The following DIP2C variants were observed in gnomAD, a reference collection of about 807,000 sequenced individuals.
DIP2C encodes the protein DIP2 acetate--CoA ligase C (putative).
In DIP2C, 33 loss-of-function variants were observed where a neutral mutation model predicts 192.4. The observed-to-expected ratio is 0.17, with a 90% CI of 0.13 to 0.23. The LOEUF (loss-of-function observed/expected upper bound fraction) is 0.23, where lower values mean the gene tolerates loss of function less well. Among genes scored for constraint, DIP2C ranks in the 10% least tolerant of loss-of-function variants. The probability of loss-of-function intolerance (pLI) is 1.00; values close to 1 mark genes in which losing one functional copy is unlikely to be tolerated. For missense variants in DIP2C, 1,537 were observed against 2,110.1 expected, an observed-to-expected ratio of 0.73 and a Z score of 5.32; for synonymous variants, 979 against 864.1, an observed-to-expected ratio of 1.13 and a Z score of -2.33.
At chr10:627,564 C>T (rs748825884) in intron 1 of DIP2C, among the ~76,000 whole-genome samples, 1 of 152,220 alleles carries the variant, frequency 6.6e-6, no homozygotes, top group South Asian at 2.1e-4. Context: ...CCCAGAAGTG[C>T]AGTAATTAGT....
chr10:308,981 G>A (rs971686373), intron 32 of DIP2C, among the ~76,000 whole-genome samples: 1 of 152,198 alleles, frequency 6.6e-6, no homozygotes, highest in Admixed American at 6.5e-5. Context: ...ATGCCTCCAG[G>A]CATGTCAGAC....
intron 3 of DIP2C, among the ~76,000 whole-genome samples, chr10:468,913 A>G (rs1970421008): frequency 6.6e-6 from 1 of 152,226 alleles, no homozygotes; most frequent in East Asian, 1.9e-4. Context: ...TATCTTCTAC[A>G]CAGTAAGGCA....
chr10:347,355 C>G (rs1958532032), intron 26 of DIP2C, among the ~76,000 whole-genome samples: 1 of 94,958 alleles, frequency 1.1e-5, no homozygotes, highest in Non-Finnish European at 2.2e-5. Flanking sequence ...CACACACACC[C>G]AACCCAGACA....
intron 1 of DIP2C, among the ~76,000 whole-genome samples, chr10:670,227 T>C (rs1053233546): frequency 7.7e-5 from 11 of 142,588 alleles, no homozygotes; most frequent in East Asian, 2.0e-4. Context: ...CGCACACGCA[T>C]GCATGCACAC....
rs771622637 is a variant in DIP2C, at chr10:421,635, A to T, written c.604+1189T>A. Among the ~76,000 whole-genome samples the T allele has an allele frequency of 2.4e-4, 36 of 152,236 alleles. 2 individuals carry two copies. The highest frequency in any genetic ancestry group is 1.4e-3 in the South Asian group (7 of 4,834). On this transcript the variant is annotated intron_variant, in intron 5 of 36. Transcript: ENST00000280886. Reference sequence around the variant, plus strand: ...ATGTTCCTGAAACTGTGTTAAACTGAAGTTTAATACTGCTTTGCATTTGAG... The same window carrying T: ...ATGTTCCTGAAACTGTGTTAAACTGTAGTTTAATACTGCTTTGCATTTGAG...
intron 32 of DIP2C, among the ~76,000 whole-genome samples, chr10:307,701 AGAGT>A (rs940714965): frequency 1.3e-5 from 2 of 152,220 alleles, no homozygotes; most frequent in African/African-American, 2.4e-5. Flanking sequence ...AGGAATGAGA[AGAGT>A]GAGAGCAGCC....
chr10:278,309 T>TG (rs1438569968), intron 36 of DIP2C, among the ~76,000 whole-genome samples: 1 of 152,120 alleles, frequency 6.6e-6, no homozygotes, highest in Admixed American at 6.5e-5. Flanking sequence ...TGCGCCTGAG[T>TG]GGGGGTGTGT....
At chr10:338,137 T>C (rs1957960282) in intron 29 of DIP2C, among the ~76,000 whole-genome samples, 1 of 152,244 alleles carries the variant, frequency 6.6e-6, no homozygotes, top group Non-Finnish European at 1.5e-5. Context: ...AGTTGTATAA[T>C]GTGTTTGTGT....
At chr10:472,611 T>C (rs988301093) in intron 2 of DIP2C, 62 bp from the exon 3 acceptor site, 22 of 1,108,396 alleles carry the variant, frequency 2.0e-5, no homozygotes, top group Non-Finnish European at 2.6e-5. Flanking sequence ...CAGCAGACTC[T>C]AACAAATCAT....
intron 3 of DIP2C, among the ~76,000 whole-genome samples, chr10:452,843 G>A (rs1052180597): frequency 2.0e-5 from 3 of 152,216 alleles, no homozygotes; most frequent in African/African-American, 7.2e-5. Context: ...AGAGAAGAGG[G>A]ATAGACTTGA....
At chr10:579,043 T>A (rs755696691) in intron 1 of DIP2C, among the ~76,000 whole-genome samples, 3 of 152,070 alleles carry the variant, frequency 2.0e-5, no homozygotes, top group Non-Finnish European at 4.4e-5. Context: ...AGACCCAGTG[T>A]ACAAACATAA....
At chr10:599,410 T>C (rs1458254190) in intron 1 of DIP2C, among the ~76,000 whole-genome samples, 1 of 151,996 alleles carries the variant, frequency 6.6e-6, no homozygotes, top group East Asian at 1.9e-4. Context: ...CAATTCAGAG[T>C]TGCAGATTAA....
chr10:347,992 G>C (rs1379537525), intron 26 of DIP2C, among the ~76,000 whole-genome samples: 1 of 137,516 alleles, frequency 7.3e-6, no homozygotes, highest in Non-Finnish European at 1.6e-5. Flanking sequence ...CAGATGCGTC[G>C]CGCATAGCTC....
intron 1 of DIP2C, among the ~76,000 whole-genome samples, chr10:504,341 G>T (rs1402435409): frequency 6.6e-6 from 1 of 152,000 alleles, no homozygotes; most frequent in East Asian, 1.9e-4. Flanking sequence ...ATCCATGCAG[G>T]CGTGCCGAGG....
chr10:440,958 G>C lies in DIP2C; in HGVS notation c.307C>G (p.His103Asp). ...TEAVQAALAK[H>D]KERKMAVPMP... is the part of the protein sequence containing the mutation. ...GGCACTGCCATCTTCCGCTCTTTGT[G>C]TTTGGCCAGAGCCGCCTGGACAGCT... The change falls in exon 4 of 37, where the codon CAC becomes GAC. Residue 103 changes from histidine (H) to aspartate (D), a missense_variant. By Grantham distance (81) the His-to-Asp change is moderately conservative. Coordinates refer to ENST00000280886, the MANE Select transcript of DIP2C (RefSeq NM_014974.3). 6.2e-7 allele frequency: 1 copy of C among 1,613,726 alleles called. No individual in the cohort carries two copies. Among genetic ancestry groups the C allele is most frequent in the Non-Finnish European group, 8.5e-7 (1 of 1,180,012 alleles).
intron 1 of DIP2C, among the ~76,000 whole-genome samples, chr10:490,267 CTT>C (rs2133580225): frequency 6.6e-6 from 1 of 152,380 alleles, no homozygotes; most frequent in Non-Finnish European, 1.5e-5. Flanking sequence ...TCCTGCCTCT[CTT>C]CTCTCCCTCT....
intron 30 of DIP2C, 40 bp downstream of exon 30, chr10:329,393 T>G (rs765758768): frequency 7.0e-6 from 11 of 1,579,256 alleles, no homozygotes; most frequent in Non-Finnish European, 7.7e-6. Flanking sequence ...GGAGTCCCTG[T>G]GGGCTCACAG....
intron 10 of DIP2C, among the ~76,000 whole-genome samples, chr10:398,786 C>T (rs1372172546): frequency 2.0e-5 from 2 of 97,984 alleles, no homozygotes; most frequent in Non-Finnish European, 4.1e-5. Flanking sequence ...GCATCCACCA[C>T]CCTTCAAAAT....
At chr10:418,282 C>T (rs1965932623) in intron 6 of DIP2C, among the ~76,000 whole-genome samples, 1 of 146,574 alleles carries the variant, frequency 6.8e-6, no homozygotes, top group Admixed American at 6.7e-5. Flanking sequence ...AGATAGGCAT[C>T]CCCGTCCACC....
Sources: allele counts gnomAD v4.1 joint callset (sites outside exome capture counted in the v4.1 genomes callset), GRCh38; gene constraint gnomAD v4.1.1; transcripts MANE v1.5; gene names NCBI Gene and HGNC (gene_info 2026-07-23, HGNC 2026-07-21).